The following MOSPD1 variants were observed in gnomAD, a reference collection of about 807,000 sequenced individuals.
MOSPD1 encodes the protein motile sperm domain containing 1, also known as motile sperm domain-containing protein 1.
MOSPD1 carries 5 observed loss-of-function variants against 16.7 expected under a neutral mutation model. The ratio of observed to expected loss-of-function variants is 0.30; its 90% confidence interval spans 0.16 to 0.63. The LOEUF (loss-of-function observed/expected upper bound fraction) is 0.63, where lower values mean the gene tolerates loss of function less well. Among genes scored for constraint, MOSPD1 ranks in the 30% least tolerant of loss-of-function variants. The pLI is 0.82. For synonymous variants in MOSPD1, 67 were observed against 59.2 expected, an observed-to-expected ratio of 1.13 and a Z score of -0.61; for missense variants, 104 against 153.6, an observed-to-expected ratio of 0.68 and a Z score of 1.71.
intron 3 of MOSPD1, among the ~76,000 whole-genome samples, chrX:134,897,393 T>C (rs1444794561): frequency 9.2e-6 from 1 of 108,400 alleles, no homozygotes; most frequent in East Asian, 2.9e-4. Context: ...ACCCCGTCTC[T>C]ACAAAAAAAA....
intron 1 of MOSPD1, among the ~76,000 whole-genome samples, chrX:134,904,757 G>A (rs770897955): frequency 2.6e-4 from 28 of 109,596 alleles, no homozygotes; most frequent in Non-Finnish European, 2.8e-4. Context: ...AGCTACTAGG[G>A]AGGCTGAGGC....
intron 3 of MOSPD1, among the ~76,000 whole-genome samples, chrX:134,897,264 C>A (rs2082889665): frequency 9.0e-6 from 1 of 110,545 alleles, no homozygotes; most frequent in Admixed American, 9.8e-5. Flanking sequence ...AAGTCTTAAG[C>A]AAAAAAATAA....
At chrX:134,899,575 C>T (rs985718448) in intron 1 of MOSPD1, 41 bp from the exon 2 acceptor site, 2 of 577,220 alleles carry the variant, frequency 3.5e-6, no homozygotes, top group African/African-American at 4.7e-5. Context: ...AGTGAATGAT[C>T]CCAATTTTCA....
Position 134,891,606 on chromosome X carries a change from T to G in MOSPD1, c.483A>C (p.Leu161=). 8.3e-7 allele frequency: 1 copy of G among 1,211,461 alleles called. No homozygotes were observed. The highest frequency in any genetic ancestry group is 1.1e-6 in the Non-Finnish European group (1 of 895,345). The change falls in exon 5 of 6, where the codon CTA becomes CTC. Residue 161 remains leucine, a synonymous_variant. Transcript: ENST00000370783. ...TGCACACCACTCCCAGGAAGACAGT[T>G]AGTAAACTAGGTCCTGAGGATACAG... The part of the protein sequence containing the change: ...NRAVSSGPSL[L]TVFLGVVCIA...
chrX:134,910,888 T>C (rs1243545074), intron 1 of MOSPD1, among the ~76,000 whole-genome samples: 1 of 112,335 alleles, frequency 8.9e-6, no homozygotes, highest in African/African-American at 3.2e-5. Flanking sequence ...CACAAATTCT[T>C]GGTTCTCACC....
At chrX:134,908,543 A>G (rs1302605131) in intron 1 of MOSPD1, among the ~76,000 whole-genome samples, 2 of 111,805 alleles carry the variant, frequency 1.8e-5, no homozygotes, top group Admixed American at 9.5e-5. Flanking sequence ...TGAGGCTCCA[A>G]CACACTTCTG....
chrX:134,912,172 C>T (rs751659523), intron 1 of MOSPD1, among the ~76,000 whole-genome samples: 36 of 111,823 alleles, frequency 3.2e-4, no homozygotes, highest in African/African-American at 1.2e-3. Context: ...GCCTCCACCT[C>T]CTGAGTAGCT....
chrX:134,899,062 G>A lies in MOSPD1; in HGVS notation c.230+28C>T, dbSNP rs749082612. Reference sequence around the variant, plus strand: ...ACATAAATATTAACACACTTAAAACGTGTTACCAGGAATTGATCTTGACTT... The same window carrying A: ...ACATAAATATTAACACACTTAAAACATGTTACCAGGAATTGATCTTGACTT... On this transcript the variant is annotated intron_variant, in intron 3 of 5. Transcript: ENST00000370783. 3.7e-5 allele frequency: 40 copies of A among 1,076,695 alleles called. 1 individual carries two copies. The South Asian group carries it at 3.9e-4, about 10-fold the overall frequency. The allele number at this position is 1,076,695 out of a possible 1,213,427, so 88.7% of individuals were successfully genotyped here. A position where few individuals can be genotyped will look rare whatever the true frequency, so the allele number is the denominator to read the frequency against.
Position 134,888,218 on chromosome X carries a change from A to T in MOSPD1, c.*943T>A, listed in dbSNP as rs1193744766. ...TTGTCTTAATAATAAATAAAAACTT[A>T]AAAAAAAGTCTCAGTGACTGATATA... On this transcript the variant is annotated 3_prime_UTR_variant, in exon 6 of 6. Transcript: ENST00000370783. The T allele has an allele frequency of 9.0e-6, 1 of 111,713 alleles. No individual in the cohort carries two copies. The highest frequency in any genetic ancestry group is 1.9e-5 in the Non-Finnish European group (1 of 52,982). The allele number at this position is 111,713 out of a possible 1,213,427, so 9.2% of individuals were successfully genotyped here. A position where few individuals can be genotyped will look rare whatever the true frequency, so the allele number is the denominator to read the frequency against.
intron 5 of MOSPD1, among the ~76,000 whole-genome samples, chrX:134,891,050 G>C (rs1266724092): frequency 9.0e-6 from 1 of 111,327 alleles, no homozygotes; most frequent in East Asian, 2.8e-4. Context: ...TAAAGAGAAA[G>C]GTTCTGAACA....
At position 134,889,195 on chromosome X, in the gene MOSPD1, G is replaced by A. The variant is rs2082849429; in HGVS notation, c.611-3C>T. On this transcript the variant is annotated splice_polypyrimidine_tract_variant and splice_region_variant and intron_variant, in intron 5 of 5. Coordinates refer to ENST00000370783, the MANE Select transcript of MOSPD1 (RefSeq NM_019556.3). ...AAGTATGGCCATTGTGATAAGACCT[G>A]AAAGAAGAAAAATGGAGAACAGTTA... 1 of 1,186,116 alleles carries A rather than the reference G, an allele frequency of 8.4e-7. No homozygotes were observed. Among genetic ancestry groups the A allele is most frequent in the Non-Finnish European group, 1.1e-6 (1 of 879,357 alleles).
At chrX:134,891,061 T>C (rs1212200751) in intron 5 of MOSPD1, among the ~76,000 whole-genome samples, 2 of 111,408 alleles carry the variant, frequency 1.8e-5, no homozygotes, top group African/African-American at 6.5e-5. Context: ...GTTCTGAACA[T>C]GGTGGCTTCA....
intron 1 of MOSPD1, among the ~76,000 whole-genome samples, chrX:134,907,966 T>C (rs1039903602): frequency 7.1e-5 from 8 of 111,910 alleles, no homozygotes; most frequent in African/African-American, 2.3e-4. Context: ...AGAGACAGGG[T>C]CTCCCTATGT....
Position 134,899,542 on chromosome X carries a change from TAGA to T in MOSPD1, c.-101-11_-101-9del, listed in dbSNP as rs776803607. On this transcript the variant is annotated splice_polypyrimidine_tract_variant and intron_variant, in intron 1 of 5. Coordinates refer to ENST00000370783, the MANE Select transcript of MOSPD1 (RefSeq NM_019556.3). ...CCAAAGCATTTTGGCAATCTAGAAATAGAAGGAGAAAGCGAGAAGAAAAGTGAA... is the reference window on the plus strand; with the variant it reads ...CCAAAGCATTTTGGCAATCTAGAAATAGGAGAAAGCGAGAAGAAAAGTGAA... 6 of 781,463 alleles carry T rather than the reference TAGA, an allele frequency of 7.7e-6. No individual in the cohort carries two copies. The highest frequency in any genetic ancestry group is 6.9e-5 in the East Asian group (2 of 29,080). The allele number at this position is 781,463 out of a possible 1,213,427, so 64.4% of individuals were successfully genotyped here. A position where few individuals can be genotyped will look rare whatever the true frequency, so the allele number is the denominator to read the frequency against.
chrX:134,904,948 G>T (rs907883975), intron 1 of MOSPD1, among the ~76,000 whole-genome samples: 3 of 111,407 alleles, frequency 2.7e-5, no homozygotes, highest in Non-Finnish European at 5.7e-5. Flanking sequence ...CATTCATTGG[G>T]ATACCAGATA....
intron 1 of MOSPD1, among the ~76,000 whole-genome samples, chrX:134,905,739 A>C (rs1480570337): frequency 8.9e-6 from 1 of 112,179 alleles, no homozygotes; most frequent in Non-Finnish European, 1.9e-5. Flanking sequence ...AAACAGAATA[A>C]TTTCGATTAT....
chrX:134,893,686 T>A (rs73570737), intron 4 of MOSPD1, among the ~76,000 whole-genome samples: 11,340 of 111,101 alleles, frequency 0.1, 1,408 homozygotes, highest in African/African-American at 0.35. Context: ...TTATACATAC[T>A]GTTATATAAC....
At chrX:134,899,838 C>T (rs767034173) in intron 1 of MOSPD1, 30 of 113,562 alleles carry the variant, frequency 2.6e-4, no homozygotes, top group Non-Finnish European at 5.1e-4. Flanking sequence ...TGCCTGTAGT[C>T]TCAGCTACTC....
intron 1 of MOSPD1, among the ~76,000 whole-genome samples, chrX:134,911,559 T>C (rs922381832): frequency 1.2e-4 from 14 of 112,502 alleles, no homozygotes; most frequent in Middle Eastern, 4.2e-3. Flanking sequence ...ATATAGTCAA[T>C]AGCAAAGCTT....
Sources: gnomAD v4.1 joint callset for allele counts (sites outside exome capture counted in the v4.1 genomes callset) on GRCh38, gnomAD v4.1.1 for gene constraint, MANE v1.5 for transcripts, NCBI Gene and HGNC (gene_info 2026-07-23, HGNC 2026-07-21) for gene names.